MTERF4: variants seen among roughly 807,000 people sequenced by gnomAD.
MTERF4 encodes the protein transcription termination factor 4, mitochondrial.
In MTERF4, 17 loss-of-function variants were observed where a neutral mutation model predicts 22.5. That is an observed-to-expected ratio of 0.75 (90% CI 0.52 to 1.13). MTERF4 has a LOEUF of 1.13. Among genes scored for constraint, MTERF4 ranks in the 50% most tolerant of loss-of-function variants. The pLI is 0.00. For synonymous variants in MTERF4, 165 were observed against 175.3 expected, an observed-to-expected ratio of 0.94 and a Z score of 0.47; for missense variants, 420 against 466.8, an observed-to-expected ratio of 0.90 and a Z score of 0.92.
the MTERF4 span, among the ~76,000 whole-genome samples, chr2:241,061,589 G>T: frequency 6.6e-6 from 1 of 152,076 alleles, no homozygotes; most frequent in Non-Finnish European, 1.5e-5. Context: ...AACATTTTTT[G>T]TAAAAGCAAA....
chr2:241,043,997 AAGGT>A, the MTERF4 span, among the ~76,000 whole-genome samples: 2 of 152,364 alleles, frequency 1.3e-5, no homozygotes, highest in East Asian at 3.9e-4. Context: ...ATACTGTTTG[AAGGT>A]AGGCTGTGTA....
At chr2:241,051,712 C>A in the MTERF4 span, 6 of 1,437,758 alleles carry the variant, frequency 4.2e-6, no homozygotes, top group Non-Finnish European at 5.5e-6. This position sits in a 1 kb window ranked among gnomAD's most constrained non-coding sequence, Gnocchi z 4.7. Flanking sequence ...CAGCCTGGCC[C>A]CGTTCATCTG....
the MTERF4 span, among the ~76,000 whole-genome samples, chr2:241,065,878 TG>T: frequency 1.7e-5 from 2 of 118,280 alleles, no homozygotes. Context: ...GAAGTGGGAC[TG>T]GGGAGGAATG....
chr2:241,066,274 G>A, the MTERF4 span, among the ~76,000 whole-genome samples: 1 of 152,190 alleles, frequency 6.6e-6, no homozygotes, highest in African/African-American at 2.4e-5. Context: ...GGGAGCAGAA[G>A]ATGCTGAGCG....
downstream of MTERF4, chr2:241,071,713 C>G (rs1481908241): frequency 4.7e-6 from 7 of 1,493,942 alleles, no homozygotes; most frequent in Non-Finnish European, 1.8e-6. Context: ...CCCCACCCAG[C>G]CCCCCAGGTA....
rs562497238 is a variant in MTERF4 at position 241,078,361 on chromosome 2, A to T, written n.480-2679T>A. ...TCGCGCCACTGCACTGCAGCCTGGG[A>T]GACAGAACTAGACTCCGTCTCAAAA... On this transcript the variant is annotated intron_variant and non_coding_transcript_variant, in intron 4 of 4. Transcript: ENST00000464344. Among the ~76,000 whole-genome samples the T allele has an allele frequency of 6.9e-5, 10 of 144,684 alleles. No individual in the cohort carries two copies. The East Asian group carries it at 1.0e-3, about 15-fold the overall frequency. 94.9% of individuals were successfully genotyped at this position (144,684 alleles called of 152,430 possible). A position where few individuals can be genotyped will look rare whatever the true frequency, so the allele number is the denominator to read the frequency against.
the MTERF4 span, among the ~76,000 whole-genome samples, chr2:241,054,175 C>T: frequency 2.6e-5 from 4 of 152,158 alleles, no homozygotes; most frequent in East Asian, 1.9e-4. Flanking sequence ...GATGACCCCC[C>T]CTCCCAATGC....
At chr2:241,057,377 C>CAAAAAAAA in the MTERF4 span, among the ~76,000 whole-genome samples, 1 of 75,118 alleles carries the variant, frequency 1.3e-5, no homozygotes, top group African/African-American at 9.2e-5. Flanking sequence ...AACTCCATCT[C>CAAAAAAAA]AAAATATATA....
Position 241,096,115 on chromosome 2 carries a change from C to G in MTERF4, c.1029G>C (p.Glu343Asp), listed in dbSNP as rs556070470. The G allele has an allele frequency of 6.2e-7, 1 of 1,607,782 alleles. No homozygotes were observed. The highest frequency in any genetic ancestry group is 8.5e-7 in the Non-Finnish European group (1 of 1,179,676). Residue 343 changes from glutamate to aspartate, a missense_variant, in exon 4 of 4, where the codon GAG (glutamate) becomes GAC (aspartate). Physicochemically the swap from Glu to Asp is conservative, Grantham distance 45. Coordinates refer to ENST00000391980, the MANE Select transcript of MTERF4 (RefSeq NM_182501.4). This position sits in a 1 kb window ranked among gnomAD's most constrained non-coding sequence, Gnocchi z 5.1. ...DDKRASLDEDEDDDDEEDNDE... is the reference protein window; with the variant it reads ...DDKRASLDEDDDDDDEEDNDE... ...CATTGTCCTCCTCATCATCGTCATCCTCATCCTCATCCAGACTTGCCCTTT... is the reference window on the plus strand; with the variant it reads ...CATTGTCCTCCTCATCATCGTCATCGTCATCCTCATCCAGACTTGCCCTTT...
At chr2:241,077,718 A>G (rs1377063547) in intron 4 of MTERF4, among the ~76,000 whole-genome samples, 1 of 152,240 alleles carries the variant, frequency 6.6e-6, no homozygotes, top group Non-Finnish European at 1.5e-5. Flanking sequence ...CAAGGAAGAT[A>G]TGCAAATGGC....
downstream of MTERF4, chr2:241,090,312 C>A (rs1196385628): frequency 6.5e-7 from 1 of 1,549,846 alleles, no homozygotes; most frequent in South Asian, 1.2e-5. Context: ...CCTTCTTCCA[C>A]TTCCACATCG....
At chr2:241,087,805 G>A (rs182235233), downstream of MTERF4, 26 of 780,368 alleles carry the variant, frequency 3.3e-5, no homozygotes, top group African/African-American at 8.9e-5. Context: ...GATATAGCGC[G>A]TCGCTCTTTA....
At chr2:241,101,333 A>C in intron 1 of MTERF4, 75 of 288,372 alleles carry the variant, frequency 2.6e-4, no homozygotes, top group South Asian at 4.5e-4. Context: ...TCCAGTGAGA[A>C]TCTAAGGCGG....
rs865851090 is a variant in MTERF4 at position 241,096,660 on chromosome 2, G to A, written c.706-222C>T. On this transcript the variant is annotated intron_variant, in intron 3 of 3. Transcript: ENST00000391980. The surrounding 1 kb of genome is among the most constrained non-coding windows in gnomAD (Gnocchi z 5.1). ...AACATGGAGCAGGAAATAAAGGGGT[G>A]GGAGGGAAAAGGGGCAGGAGGGAGA... 2 of 697,630 alleles carry A rather than the reference G, an allele frequency of 2.9e-6. No individual in the cohort carries two copies. The highest frequency in any genetic ancestry group is 5.3e-6 in the Non-Finnish European group (2 of 374,538). The allele number at this position is 697,630 out of a possible 1,614,324, so 43.2% of individuals were successfully genotyped here. A position where few individuals can be genotyped will look rare whatever the true frequency, so the allele number is the denominator to read the frequency against.
downstream of MTERF4, chr2:241,095,265 A>G (rs1456643681): frequency 6.5e-6 from 1 of 152,730 alleles, no homozygotes; most frequent in Non-Finnish European, 1.5e-5. Flanking sequence ...GTCTGGCACT[A>G]CAGACTACAG....
chr2:241,049,838 C>T, the MTERF4 span: 1 of 1,613,770 alleles, frequency 6.2e-7, no homozygotes, highest in Non-Finnish European at 8.5e-7. Flanking sequence ...CCCTGCGACT[C>T]GGACCCCTGC....
At chr2:241,084,033 T>A (rs2063458817), downstream of MTERF4, among the ~76,000 whole-genome samples, 1 of 152,174 alleles carries the variant, frequency 6.6e-6, no homozygotes, top group Non-Finnish European at 1.5e-5. Context: ...TTAGGTTTAT[T>A]GTTTAGAGGT....
In MTERF4 at chr2:241,099,724, C is replaced by T. The variant is rs771893902; in HGVS notation, c.192G>A (p.Val64=). The T allele has an allele frequency of 1.2e-5, 20 of 1,614,196 alleles. No individual in the cohort carries two copies. Among genetic ancestry groups the T allele is most frequent in the Non-Finnish European group, 1.7e-5 (20 of 1,180,044 alleles). The part of the protein sequence containing the change: ...ELSCVRSNNY[V]QEPECRRNLV... ...GATTCCTCCTGCACTCTGGTTCCTG[C>T]ACATAGTTATTGGATCTAACACAAG... The change falls in exon 2 of 4, where the codon GTG becomes GTA. Residue 64 remains valine, a synonymous_variant. Coordinates refer to ENST00000391980, the MANE Select transcript of MTERF4 (RefSeq NM_182501.4).
chr2:241,065,846 C>T, the MTERF4 span, among the ~76,000 whole-genome samples: 1 of 151,848 alleles, frequency 6.6e-6, no homozygotes, highest in African/African-American at 2.4e-5. Context: ...GGGAGCAGCA[C>T]AACCCCCAGG....
Sources: gnomAD v4.1 joint callset for allele counts (sites outside exome capture counted in the v4.1 genomes callset) on GRCh38, gnomAD v4.1.1 for gene constraint, Gnocchi (gnomAD v3.1) non-coding constraint, MANE v1.5 for transcripts, NCBI Gene and HGNC (gene_info 2026-07-23, HGNC 2026-07-21) for gene names.